Variants in ANO1 observed in about 807,000 individuals in gnomAD.
The protein encoded by ANO1 is anoctamin 1.
In ANO1, 59 loss-of-function variants were observed where a neutral mutation model predicts 124.0. The observed-to-expected ratio is 0.48, with a 90% confidence interval of 0.39 to 0.59. The LOEUF is 0.59. Ranked by LOEUF, ANO1 falls within the 20% of genes least tolerant of loss-of-function variation. The pLI, the probability that ANO1 is intolerant of heterozygous loss-of-function variation, is 0.00. For missense variants in ANO1, 1,059 were observed against 1,328.0 expected, an observed-to-expected ratio of 0.80 and a Z score of 3.15; for synonymous variants, 529 against 532.0, an observed-to-expected ratio of 0.99 and a Z score of 0.08.
chr11:70,107,048 T>A (rs141942152), intron 5 of ANO1, among the ~76,000 whole-genome samples: 12 of 152,138 alleles, frequency 7.9e-5, no homozygotes, highest in African/African-American at 2.9e-4. Context: ...TGAGGGCTGG[T>A]GGCAGTGGTC....
chr11:70,112,931 C>G (rs1453243090), intron 7 of ANO1, among the ~76,000 whole-genome samples: 1 of 152,152 alleles, frequency 6.6e-6, no homozygotes, highest in Non-Finnish European at 1.5e-5. Flanking sequence ...CAGGGCAGTT[C>G]AGGGGTGTAT....
chr11:70,047,835 G>C (rs920785135), intron 1 of ANO1, among the ~76,000 whole-genome samples: 5 of 152,224 alleles, frequency 3.3e-5, no homozygotes, highest in African/African-American at 1.2e-4. Context: ...AGGAAGAATG[G>C]TATTTTCTTT....
upstream of ANO1, among the ~76,000 whole-genome samples, chr11:70,075,874 G>A (rs2044050448): frequency 6.6e-6 from 1 of 152,200 alleles, no homozygotes; most frequent in Admixed American, 6.5e-5. Flanking sequence ...AACTTGTCCT[G>A]GCTTGGGAGA....
intron 1 of ANO1, among the ~76,000 whole-genome samples, chr11:70,045,945 A>C (rs1857254058): frequency 6.6e-6 from 1 of 152,206 alleles, no homozygotes; most frequent in African/African-American, 2.4e-5. Flanking sequence ...CTTGCTCTGG[A>C]CATCTAACTC....
chr11:70,028,917 G>A (rs1056033269), intron 1 of ANO1, among the ~76,000 whole-genome samples: 5 of 152,112 alleles, frequency 3.3e-5, no homozygotes, highest in Admixed American at 2.6e-4. Flanking sequence ...AAGTAGCTGG[G>A]AAGACAGGCG....
At chr11:70,095,475 A>T (rs2044911101) in intron 2 of ANO1, among the ~76,000 whole-genome samples, 1 of 152,236 alleles carries the variant, frequency 6.6e-6, no homozygotes, top group East Asian at 1.9e-4. Flanking sequence ...GGACCTTTTT[A>T]AAAATTCATG....
chr11:70,187,790 C>G lies in ANO1; in HGVS notation c.2747C>G (p.Pro916Arg). 6.2e-7 allele frequency: 1 copy of G among 1,609,668 alleles called. No homozygotes were observed. Among genetic ancestry groups the G allele is most frequent in the South Asian group, 1.1e-5 (1 of 89,708 alleles). Residue 916 changes from proline (P) to arginine (R), a missense_variant, in exon 26 of 26, where the codon CCC becomes CGC. Physicochemically the swap from Pro to Arg is moderately radical, Grantham distance 103. Coordinates refer to ENST00000355303, the MANE Select transcript of ANO1 (RefSeq NM_018043.7). ...DFVDWVIPDI[P>R]KDISQQIHKE... Reference sequence around the variant, plus strand: ...GTGGACTGGGTCATCCCGGACATCCCCAAGGACATCAGCCAGCAGATCCAC... The same window carrying G: ...GTGGACTGGGTCATCCCGGACATCCGCAAGGACATCAGCCAGCAGATCCAC...
In ANO1 at chr11:70,188,982, G is replaced by C. The variant is rs768197402; in HGVS notation, c.*978G>C. On this transcript the variant is annotated 3_prime_UTR_variant, in exon 26 of 26. Transcript: ENST00000355303. ...TTATTAGTTAACCAAATATCGTTGAGAGGAATTTAAAATACTGTTACTACC... is the reference window on the plus strand; with the variant it reads ...TTATTAGTTAACCAAATATCGTTGACAGGAATTTAAAATACTGTTACTACC... 4 of 152,348 alleles carry C rather than the reference G, an allele frequency of 2.6e-5. No individual in the cohort carries two copies. The highest frequency in any genetic ancestry group is 5.9e-5 in the Non-Finnish European group (4 of 67,994). 9.4% of individuals were successfully genotyped at this position (152,348 alleles called of 1,614,324 possible).
chr11:69,972,598 T>G, the ANO1 span, among the ~76,000 whole-genome samples: 1 of 152,228 alleles, frequency 6.6e-6, no homozygotes, highest in African/African-American at 2.4e-5. Context: ...GGTTTTGTTG[T>G]TAGTGCTTTC....
rs1167276176 is a variant in ANO1 at position 70,104,081 on chromosome 11, A to C, written c.623A>C (p.Lys208Thr). 1.2e-6 allele frequency: 2 copies of C among 1,613,062 alleles called. No individual in the cohort carries two copies. Among genetic ancestry groups the C allele is most frequent in the South Asian group, 2.2e-5 (2 of 90,850 alleles). ...LQKITDPIQP[K>T]VAEHRPQTMK... ...AAAATCACAGATCCCATCCAGCCCA[A>C]AGTGGCTGAGCACAGGCCCCAGACC... Residue 208 changes from lysine (K) to threonine (T), a missense_variant, in exon 4 of 26, where the codon AAA becomes ACA. This residue lies in a region of ANO1 where 809 missense variants were observed against 1,094.9 expected (regional missense o/e 0.74). Transcript: ENST00000355303.
At chr11:70,123,795 C>T (rs1001814252) in intron 8 of ANO1, among the ~76,000 whole-genome samples, 5 of 152,172 alleles carry the variant, frequency 3.3e-5, no homozygotes, top group African/African-American at 1.2e-4. Flanking sequence ...TACTAGCAGT[C>T]CTAACCCAGC....
At chr11:70,156,102 G>T (rs537616811) in intron 15 of ANO1, 114 bp downstream of exon 15, 1 of 1,087,374 alleles carries the variant, frequency 9.2e-7, no homozygotes, top group Non-Finnish European at 1.2e-6. Context: ...ATTCACATCC[G>T]TGTTTCTCTG....
At chr11:70,052,537 T>C (rs1169277014) in intron 1 of ANO1, among the ~76,000 whole-genome samples, 88 of 52,866 alleles carry the variant, frequency 1.7e-3, no homozygotes, top group Non-Finnish European at 1.9e-3. Context: ...TTTTCTTTTT[T>C]TTTTTTTTTT....
chr11:69,985,227 G>T (rs1320933349), upstream of ANO1, among the ~76,000 whole-genome samples: 1 of 152,072 alleles, frequency 6.6e-6, no homozygotes, highest in Non-Finnish European at 1.5e-5. Context: ...CCTCTTAGCC[G>T]CAGTTAACTG....
At chr11:70,174,888 A>G (rs1457273262) in intron 22 of ANO1, among the ~76,000 whole-genome samples, 1 of 151,442 alleles carries the variant, frequency 6.6e-6, no homozygotes, top group Non-Finnish European at 1.5e-5. Flanking sequence ...GTGCCATCCC[A>G]TTCCAGCAGG....
chr11:69,985,380 G>A (rs1208338973), upstream of ANO1, among the ~76,000 whole-genome samples: 3 of 152,156 alleles, frequency 2.0e-5, no homozygotes, highest in East Asian at 5.8e-4. Flanking sequence ...CTGGATTCAA[G>A]TTCAGGACCC....
intron 5 of ANO1, among the ~76,000 whole-genome samples, chr11:70,107,490 C>CGGGGGG (rs1432604573): frequency 0.015 from 930 of 63,694 alleles, 32 homozygotes; most frequent in Non-Finnish European, 0.02. Context: ...CCAGTGGAGG[C>CGGGGGG]GGCGGGGCGG....
At chr11:70,048,601 T>C (rs1436606370) in intron 1 of ANO1, among the ~76,000 whole-genome samples, 1 of 151,644 alleles carries the variant, frequency 6.6e-6, no homozygotes, top group African/African-American at 2.4e-5. Flanking sequence ...CCCTCTCTCT[T>C]TTCTACTCTG....
At chr11:69,989,905 A>G (rs17160504) in intron 1 of ANO1, among the ~76,000 whole-genome samples, 49,483 of 152,086 alleles carry the variant, frequency 0.33, 8,193 homozygotes, top group Admixed American at 0.34. Flanking sequence ...GAAGAAGGAA[A>G]AGACCACAAG....
Sources: gnomAD v4.1 joint callset for allele counts (sites outside exome capture counted in the v4.1 genomes callset) on GRCh38, gnomAD v4.1.1 for gene constraint, gnomAD v4.1.1 regional missense constraint, MANE v1.5 for transcripts, NCBI Gene and HGNC (gene_info 2026-07-23, HGNC 2026-07-21) for gene names.